Variants in NR1H4 observed in about 807,000 individuals in gnomAD.
The protein encoded by NR1H4 is bile acid receptor.
A neutral mutation model predicts 58.5 loss-of-function variants in NR1H4; 23 were observed. That is an observed-to-expected ratio of 0.39 (90% CI 0.28 to 0.56). NR1H4 has a LOEUF of 0.56. Among genes scored for constraint, NR1H4 ranks in the 20% least tolerant of loss-of-function variants. The pLI is 0.58. For synonymous variants in NR1H4, 214 were observed against 198.0 expected, an observed-to-expected ratio of 1.08 and a Z score of -0.68; for missense variants, 487 against 576.9, an observed-to-expected ratio of 0.84 and a Z score of 1.60.
intron 9 of NR1H4, among the ~76,000 whole-genome samples, chr12:100,553,751 T>C (rs540354841): frequency 5.4e-4 from 83 of 152,342 alleles, no homozygotes; most frequent in African/African-American, 1.9e-3. Flanking sequence ...ATCCTTGGCG[T>C]ATTGACCTTC....
At chr12:100,556,654 A>C (rs1955336176) in intron 9 of NR1H4, among the ~76,000 whole-genome samples, 1 of 152,170 alleles carries the variant, frequency 6.6e-6, no homozygotes, top group African/African-American at 2.4e-5. Context: ...TGTTTCACCA[A>C]AGGCAATTTG....
chr12:100,516,897 T>G (rs1355923454), intron 4 of NR1H4, among the ~76,000 whole-genome samples: 1 of 152,224 alleles, frequency 6.6e-6, no homozygotes, highest in Non-Finnish European at 1.5e-5. Context: ...TTATTTTATT[T>G]TCTTAAATTT....
intron 3 of NR1H4, among the ~76,000 whole-genome samples, chr12:100,504,831 G>A (rs374219472): frequency 9.8e-5 from 15 of 152,322 alleles, no homozygotes; most frequent in East Asian, 7.7e-4. Context: ...CAAGTTCAGC[G>A]TGGAAGATAA....
chr12:100,531,099 C>T (rs1051591871), intron 4 of NR1H4, among the ~76,000 whole-genome samples: 1 of 152,078 alleles, frequency 6.6e-6, no homozygotes, highest in Non-Finnish European at 1.5e-5. Flanking sequence ...TCGCCAGATT[C>T]CTAGATGTTG....
intron 9 of NR1H4, among the ~76,000 whole-genome samples, chr12:100,558,349 C>CA (rs10617220): frequency 0.01 from 819 of 79,914 alleles, 63 homozygotes; most frequent in African/African-American, 0.025. Context: ...GATTCCATCT[C>CA]AAAAAAAAAA....
intron 4 of NR1H4, among the ~76,000 whole-genome samples, 180 bp from the exon 5 acceptor site, chr12:100,532,278 C>A (rs529877049): frequency 2.6e-5 from 4 of 152,292 alleles, no homozygotes; most frequent in African/African-American, 7.2e-5. Context: ...AAATTAAAAA[C>A]AACAGGCTTC....
intron 9 of NR1H4, among the ~76,000 whole-genome samples, chr12:100,542,352 A>G (rs984846268): frequency 2.6e-5 from 4 of 152,190 alleles, no homozygotes; most frequent in Admixed American, 2.6e-4. Flanking sequence ...GTCTGAAAAA[A>G]AAAGAAGCTT....
intron 1 of NR1H4, among the ~76,000 whole-genome samples, chr12:100,488,489 T>A (rs1391182707): frequency 1.3e-5 from 2 of 152,228 alleles, no homozygotes; most frequent in African/African-American, 4.8e-5. Context: ...TTTAAAAAAA[T>A]GTTTAAAATC....
chr12:100,488,626 A>G (rs1199255416), intron 1 of NR1H4, among the ~76,000 whole-genome samples: 3 of 152,222 alleles, frequency 2.0e-5, no homozygotes, highest in Admixed American at 6.5e-5. Context: ...AAATTCTGCC[A>G]TGAAGTGGAA....
intron 9 of NR1H4, among the ~76,000 whole-genome samples, chr12:100,541,428 T>G (rs1296654045): frequency 6.6e-6 from 1 of 151,792 alleles, no homozygotes; most frequent in Non-Finnish European, 1.5e-5. Context: ...ATTATAGGCA[T>G]GTACTACCAC....
At chr12:100,505,448 T>C in intron 3 of NR1H4, 1 of 505,254 alleles carries the variant, frequency 2.0e-6, no homozygotes, top group Non-Finnish European at 3.5e-6. Flanking sequence ...ATGTGGTTAG[T>C]GGCTACCATA....
At chr12:100,543,547 G>T (rs1399163079) in intron 9 of NR1H4, among the ~76,000 whole-genome samples, 1 of 151,044 alleles carries the variant, frequency 6.6e-6, no homozygotes, top group Non-Finnish European at 1.5e-5. Flanking sequence ...ATGGATTTTG[G>T]TTCTGGACAG....
At chr12:100,553,525 C>G (rs1192572719) in intron 9 of NR1H4, among the ~76,000 whole-genome samples, 1 of 152,092 alleles carries the variant, frequency 6.6e-6, no homozygotes, top group Non-Finnish European at 1.5e-5. Flanking sequence ...CAGGAAAAAG[C>G]ATGAAGACAT....
At chr12:100,528,094 A>T (rs1954606715) in intron 4 of NR1H4, among the ~76,000 whole-genome samples, 2 of 152,148 alleles carry the variant, frequency 1.3e-5, no homozygotes, top group Admixed American at 6.5e-5. Flanking sequence ...AAGCCTGTAG[A>T]CCCTTAAAGT....
intron 8 of NR1H4, among the ~76,000 whole-genome samples, chr12:100,539,252 GA>G (rs1172708276): frequency 6.6e-6 from 1 of 152,084 alleles, no homozygotes; most frequent in Non-Finnish European, 1.5e-5. Flanking sequence ...CCTTGAGAAG[GA>G]AAAAAATTGA....
At chr12:100,550,294 A>G (rs948021281) in intron 9 of NR1H4, among the ~76,000 whole-genome samples, 1 of 152,172 alleles carries the variant, frequency 6.6e-6, no homozygotes. Context: ...TAAAAATAGG[A>G]ATAATCATAG....
chr12:100,486,964 TTCAAC>T (rs1429437778), intron 1 of NR1H4, among the ~76,000 whole-genome samples: 1 of 152,148 alleles, frequency 6.6e-6, no homozygotes, highest in Non-Finnish European at 1.5e-5. Context: ...TGCTAATACA[TTCAAC>T]GTATGAAGAA....
chr12:100,499,866 G>A (rs1215100190), intron 3 of NR1H4: 1 of 455,956 alleles, frequency 2.2e-6, no homozygotes, highest in East Asian at 7.0e-5. Flanking sequence ...TCCTGGGTTG[G>A]TTCCAATCTC....
intron 8 of NR1H4, among the ~76,000 whole-genome samples, chr12:100,540,469 C>A (rs114606607): frequency 6.6e-6 from 1 of 152,262 alleles, no homozygotes; most frequent in African/African-American, 2.4e-5. Flanking sequence ...TTGACATCTC[C>A]CTTTGCCCAG....
Sources: allele counts gnomAD v4.1 joint callset (sites outside exome capture counted in the v4.1 genomes callset), GRCh38; gene constraint gnomAD v4.1.1; transcripts MANE v1.5; gene names NCBI Gene and HGNC (gene_info 2026-07-23, HGNC 2026-07-21).